DTNBP1: variants seen among roughly 807,000 people sequenced by gnomAD.
The protein encoded by DTNBP1 is dysbindin.
In DTNBP1, 35 loss-of-function variants were observed where a neutral mutation model predicts 42.8. That is an observed-to-expected ratio of 0.82 (90% CI 0.63 to 1.09). The LOEUF (loss-of-function observed/expected upper bound fraction) is 1.09. DTNBP1 is among the 50% of genes least tolerant of loss of function. DTNBP1 has a pLI of 0.00. For missense variants in DTNBP1, 457 were observed against 424.2 expected (o/e 1.08, Z -0.68); for synonymous variants, 171 against 162.2 (o/e 1.05, Z -0.41).
intron 7 of DTNBP1, among the ~76,000 whole-genome samples, chr6:15,561,664 T>A (rs1265531651): frequency 6.6e-6 from 1 of 152,208 alleles, no homozygotes; most frequent in Non-Finnish European, 1.5e-5. Flanking sequence ...GTCAGAGGTA[T>A]TTGAACCACA....
chr6:15,531,907 T>C (rs960119698), intron 8 of DTNBP1, among the ~76,000 whole-genome samples: 7 of 152,242 alleles, frequency 4.6e-5, no homozygotes, highest in Non-Finnish European at 7.3e-5. Context: ...GCTGGGATTA[T>C]AGGCGTATGC....
chr6:15,537,017 A>G (rs1408250732), intron 7 of DTNBP1, among the ~76,000 whole-genome samples: 1 of 152,220 alleles, frequency 6.6e-6, no homozygotes, highest in Non-Finnish European at 1.5e-5. Context: ...GGGAACATTG[A>G]TCCAATGCCT....
intron 7 of DTNBP1, among the ~76,000 whole-genome samples, chr6:15,589,225 C>A (rs902722013): frequency 1.2e-4 from 18 of 152,230 alleles, no homozygotes; most frequent in African/African-American, 3.9e-4. Flanking sequence ...AGACTCCTCA[C>A]AGCCTCAGAA....
chr6:15,646,286 CAT>C (rs910896231), intron 3 of DTNBP1, among the ~76,000 whole-genome samples: 20 of 140,656 alleles, frequency 1.4e-4, no homozygotes, highest in East Asian at 1.0e-3. Flanking sequence ...CACACACACA[CAT>C]ATACAATACC....
chr6:15,552,594 C>G (rs767072863), intron 7 of DTNBP1, among the ~76,000 whole-genome samples: 1 of 152,144 alleles, frequency 6.6e-6, no homozygotes, highest in African/African-American at 2.4e-5. Context: ...TCAAGACCAG[C>G]CTGGCCAACA....
At chr6:15,604,685 T>C (rs929565814) in intron 6 of DTNBP1, among the ~76,000 whole-genome samples, 1 of 135,226 alleles carries the variant, frequency 7.4e-6, no homozygotes, top group Non-Finnish European at 1.6e-5. Flanking sequence ...ATCTCTTAAA[T>C]ATATCTGTTA....
intron 3 of DTNBP1, among the ~76,000 whole-genome samples, chr6:15,646,398 C>T (rs887820668): frequency 6.6e-6 from 1 of 151,744 alleles, no homozygotes; most frequent in Admixed American, 6.6e-5. Flanking sequence ...ACATTCCATG[C>T]TCATGGATTA....
At chr6:15,615,759 T>G (rs1228706990) in intron 5 of DTNBP1, among the ~76,000 whole-genome samples, 1 of 152,230 alleles carries the variant, frequency 6.6e-6, no homozygotes, top group Non-Finnish European at 1.5e-5. Context: ...AAAATATAAT[T>G]AACACAAATT....
At chr6:15,617,671 T>C (rs796182116) in intron 5 of DTNBP1, among the ~76,000 whole-genome samples, 5 of 151,992 alleles carry the variant, frequency 3.3e-5, no homozygotes, top group African/African-American at 1.2e-4. Context: ...CGAATATCCA[T>C]ATGCAGAAGA....
intron 1 of DTNBP1, among the ~76,000 whole-genome samples, chr6:15,661,049 T>C (rs1385377821): frequency 6.6e-6 from 1 of 152,202 alleles, no homozygotes; most frequent in African/African-American, 2.4e-5. Context: ...CGTCCATAAC[T>C]TTCTAAACAC....
intron 5 of DTNBP1, among the ~76,000 whole-genome samples, chr6:15,620,436 C>T (rs1045419994): frequency 3.9e-5 from 6 of 152,084 alleles, no homozygotes; most frequent in Admixed American, 1.3e-4. Context: ...GATCTTCCTG[C>T]GTTGGCCTCC....
intron 8 of DTNBP1, among the ~76,000 whole-genome samples, chr6:15,532,176 C>T (rs993171772): frequency 1.3e-5 from 2 of 152,200 alleles, no homozygotes; most frequent in African/African-American, 4.8e-5. Flanking sequence ...CTCCCCGCTG[C>T]CGGGGGTCTG....
At chr6:15,578,734 T>C (rs1164836181) in intron 7 of DTNBP1, among the ~76,000 whole-genome samples, 1 of 152,180 alleles carries the variant, frequency 6.6e-6, no homozygotes, top group African/African-American at 2.4e-5. Context: ...GAATCTTCCA[T>C]GCAGAAAAGC....
chr6:15,662,987 G>T lies in DTNBP1; in HGVS notation c.-118C>A. On this transcript the variant is annotated 5_prime_UTR_variant, in exon 1 of 10. Transcript: ENST00000344537. Reference sequence around the variant, plus strand: ...CGCGCGCCCCGCACTCCCACTACCGGCCCCGCCCCCGGTCTGGTCCTCGCC... The same window carrying T: ...CGCGCGCCCCGCACTCCCACTACCGTCCCCGCCCCCGGTCTGGTCCTCGCC... 1 of 1,422,412 alleles carries T rather than the reference G, an allele frequency of 7.0e-7. No individual in the cohort carries two copies. The highest frequency in any genetic ancestry group is 9.7e-7 in the Non-Finnish European group (1 of 1,032,882). 88.1% of individuals were successfully genotyped at this position (1,422,412 alleles called of 1,614,324 possible).
chr6:15,626,508 A>C (rs930870973), intron 5 of DTNBP1, among the ~76,000 whole-genome samples: 1 of 152,166 alleles, frequency 6.6e-6, no homozygotes, highest in African/African-American at 2.4e-5. Flanking sequence ...TAAAAGACTA[A>C]AACAGGTTAT....
At chr6:15,615,442 C>T (rs761900600) in intron 5 of DTNBP1, 43 bp from the exon 6 acceptor site, 1 of 1,610,218 alleles carries the variant, frequency 6.2e-7, no homozygotes, top group Non-Finnish European at 8.5e-7. Flanking sequence ...AGTCAGAATC[C>T]TCAATCATGA....
chr6:15,660,558 C>A, intron 1 of DTNBP1: 1 of 1,288,996 alleles, frequency 7.8e-7, no homozygotes, highest in Non-Finnish European at 1.0e-6. Flanking sequence ...CCTAATGAAG[C>A]CCTCTCAGGA....
chr6:15,657,993 C>T (rs1720112399), intron 1 of DTNBP1, among the ~76,000 whole-genome samples: 9 of 152,182 alleles, frequency 5.9e-5, no homozygotes, highest in Admixed American at 5.9e-4. Flanking sequence ...TCTTCGGACT[C>T]ACATACCACA....
intron 3 of DTNBP1, among the ~76,000 whole-genome samples, chr6:15,638,473 C>T (rs1450535221): frequency 1.3e-5 from 2 of 151,974 alleles, no homozygotes; most frequent in Non-Finnish European, 2.9e-5. Flanking sequence ...TTGGTAAACA[C>T]AATAGTAATA....
Sources: gnomAD v4.1 joint callset for allele counts (sites outside exome capture counted in the v4.1 genomes callset) on GRCh38, gnomAD v4.1.1 for gene constraint, MANE v1.5 for transcripts, NCBI Gene and HGNC (gene_info 2026-07-23, HGNC 2026-07-21) for gene names.